Variants in NET1 observed in about 807,000 individuals in gnomAD.
NET1 encodes the protein neuroepithelial cell-transforming gene 1 protein.
NET1 carries 42 observed loss-of-function variants against 61.1 expected under a neutral mutation model. The observed-to-expected ratio is 0.69, with a 90% CI of 0.54 to 0.89. The LOEUF (loss-of-function observed/expected upper bound fraction) is 0.89, where lower values mean the gene tolerates loss of function less well. Ranked by LOEUF, NET1 falls within the 40% of genes least tolerant of loss-of-function variation. NET1 has a pLI of 0.00. For missense variants in NET1, 654 were observed against 747.3 expected, an observed-to-expected ratio of 0.88 and a Z score of 1.46; for synonymous variants, 254 against 281.8, an observed-to-expected ratio of 0.90 and a Z score of 0.99.
chr10:5,436,714 G>A (rs1241384013), intron 3 of NET1, among the ~76,000 whole-genome samples: 1 of 152,042 alleles, frequency 6.6e-6, no homozygotes, highest in Non-Finnish European at 1.5e-5. Context: ...TACCACTTTT[G>A]AGAAACAACC....
At chr10:5,428,704 C>G (rs1368293030) in intron 2 of NET1, among the ~76,000 whole-genome samples, 3 of 85,946 alleles carry the variant, frequency 3.5e-5, no homozygotes, top group Non-Finnish European at 8.6e-5. Context: ...ATGAGCGTCT[C>G]TCCTCAAGAT....
Position 5,446,218 on chromosome 10 carries a change from G to GA in NET1, c.256-5608dup, listed in dbSNP as rs1399406566. Among the ~76,000 whole-genome samples the GA allele has an allele frequency of 2.6e-5, 4 of 152,104 alleles. No individual in the cohort carries two copies. Among genetic ancestry groups the GA allele is most frequent in the Non-Finnish European group, 5.9e-5 (4 of 68,016 alleles). ...CTGTAAAATAAAAGCAGGTTTCCTG[G>GA]AAAATTAGGCTTTTCTTCATTATAT... On this transcript the variant is annotated intron_variant, in intron 3 of 11. Coordinates refer to ENST00000355029, the MANE Select transcript of NET1 (RefSeq NM_001047160.3). The surrounding 1 kb of genome is among the most constrained non-coding windows in gnomAD (Gnocchi z 5.0).
At position 5,453,704 on chromosome 10, in the gene NET1, AT is replaced by A; in HGVS notation, c.768+145del. 1 of 667,318 alleles carries A rather than the reference AT, an allele frequency of 1.5e-6. No individual in the cohort carries two copies. The highest frequency in any genetic ancestry group is 2.8e-5 in the Admixed American group (1 of 35,954). The allele number at this position is 667,318 out of a possible 1,614,324, so 41.3% of individuals were successfully genotyped here. On this transcript the variant is annotated intron_variant, in intron 8 of 11. Transcript: ENST00000355029. This position sits in a 1 kb window ranked among gnomAD's most constrained non-coding sequence, Gnocchi z 4.9. The stretch of plus-strand genomic sequence containing the variant: ...TAAAACTGAACAAATTTACAGTGAC[AT>A]AAGAAGTTACAGTCTGTTTAAAAAA...
intron 3 of NET1, among the ~76,000 whole-genome samples, 178 bp downstream of exon 3, chr10:5,429,407 A>G (rs968655863): frequency 1.3e-5 from 2 of 152,104 alleles, no homozygotes; most frequent in Non-Finnish European, 2.9e-5. Context: ...TTGCTATTCT[A>G]CTTCTTTGTT....
In NET1 at chr10:5,452,436, G is replaced by T. The variant is rs775446522; in HGVS notation, c.442G>T (p.Ala148Ser). The T allele has an allele frequency of 3.7e-6, 6 of 1,614,050 alleles. No homozygotes were observed. Among genetic ancestry groups the T allele is most frequent in the South Asian group, 2.2e-5 (2 of 91,072 alleles). The part of the protein sequence containing the change: ...FSSRSTVPTP[A>S]KRRSSALWSE... ...TAGCAGGTCAACAGTCCCAACACCC[G>T]CCAAGAGAAGGAGCAGTGCACTGTG... Residue 148 changes from alanine to serine, a missense_variant, in exon 5 of 12, where the codon GCC becomes TCC. Transcript: ENST00000355029. This position sits in a 1 kb window ranked among gnomAD's most constrained non-coding sequence, Gnocchi z 4.0.
rs1363112285 is a variant in NET1 at position 5,440,283 on chromosome 10, A to T, written c.255+11054A>T. Among the ~76,000 whole-genome samples the T allele has an allele frequency of 6.6e-6, 1 of 152,204 alleles. No homozygotes were observed. The highest frequency in any genetic ancestry group is 2.4e-5 in the African/African-American group (1 of 41,456). The stretch of plus-strand genomic sequence containing the variant: ...TGCTGTCCTTCCCACCTAAAAGCAA[A>T]CTACTTTTGACCCTTCTTACTAATG... On this transcript the variant is annotated intron_variant, in intron 3 of 11. Coordinates refer to ENST00000355029, the MANE Select transcript of NET1 (RefSeq NM_001047160.3). This position sits in a 1 kb window ranked among gnomAD's most constrained non-coding sequence, Gnocchi z 4.1.
rs1832415447 is a variant in NET1, at chr10:5,435,522, T to TAGATAGAC, written c.255+6300_255+6301insCAGATAGA. On this transcript the variant is annotated intron_variant, in intron 3 of 11. Transcript: ENST00000355029. The surrounding 1 kb of genome is among the most constrained non-coding windows in gnomAD (Gnocchi z 5.0). ...ATAGATAGATAGATAGATAGATAGATAGATAGATAGACAGACAGACAGATA... is the reference window on the plus strand; with the variant it reads ...ATAGATAGATAGATAGATAGATAGATAGATAGACAGATAGATAGACAGACAGACAGATA... Among the ~76,000 whole-genome samples, 2 of 32,648 alleles carry TAGATAGAC rather than the reference T, an allele frequency of 6.1e-5. No homozygotes were observed. The highest frequency in any genetic ancestry group is 1.6e-4 in the African/African-American group (2 of 12,636). The allele number at this position is 32,648 out of a possible 152,430, so 21.4% of individuals were successfully genotyped here. A position where few individuals can be genotyped will look rare whatever the true frequency, so the allele number is the denominator to read the frequency against.
chr10:5,425,397 A>G (rs1832243913), intron 1 of NET1, among the ~76,000 whole-genome samples: 2 of 152,244 alleles, frequency 1.3e-5, no homozygotes, highest in African/African-American at 4.8e-5. Context: ...AACTTGATGA[A>G]CAACGACTAT....
rs1435132358 is a variant in NET1 at position 5,421,001 on chromosome 10, C to CA, written c.129-5653dup. Among the ~76,000 whole-genome samples, 1 of 152,212 alleles carries CA rather than the reference C, an allele frequency of 6.6e-6. No individual in the cohort carries two copies. Among genetic ancestry groups the CA allele is most frequent in the Non-Finnish European group, 1.5e-5 (1 of 68,046 alleles). On this transcript the variant is annotated intron_variant, in intron 1 of 11. Transcript: ENST00000355029. This position sits in a 1 kb window ranked among gnomAD's most constrained non-coding sequence, Gnocchi z 4.2. ...TTTGATACCAAGTCTGTTCTGGCCT[C>CA]AGCTTTGATTTACCTAATTATTTTC...
rs544640770 is a variant in NET1 at position 5,446,775 on chromosome 10, C to G, written c.256-5055C>G. Reference sequence around the variant, plus strand: ...GGAGTACTTGGGAAGCATGGTGGCACATGATGAGACTGGAGGTCTCCTACC... The same window carrying G: ...GGAGTACTTGGGAAGCATGGTGGCAGATGATGAGACTGGAGGTCTCCTACC... On this transcript the variant is annotated intron_variant, in intron 3 of 11. Transcript: ENST00000355029. The surrounding 1 kb of genome is among the most constrained non-coding windows in gnomAD (Gnocchi z 5.0). The G allele has an allele frequency of 8.7e-6, 14 of 1,604,022 alleles. 1 individual carries two copies. The South Asian group carries it at 1.5e-4, about 17-fold the overall frequency.
intron 1 of NET1, among the ~76,000 whole-genome samples, chr10:5,413,771 G>A (rs1832039289): frequency 6.6e-6 from 1 of 152,192 alleles, no homozygotes; most frequent in Admixed American, 6.5e-5. Context: ...TTTGCAACAG[G>A]TTGAGAAGAG....
rs1832641486 is a variant in NET1, at chr10:5,447,851, CCA to C, written c.256-3976_256-3975del. The stretch of plus-strand genomic sequence containing the variant: ...TATTTCCTTTGAGTAGAGCAGTCAT[CCA>C]CAGTCACTAGTGTGAATCCTGCAGC... On this transcript the variant is annotated intron_variant, in intron 3 of 11. Coordinates refer to ENST00000355029, the MANE Select transcript of NET1 (RefSeq NM_001047160.3). This position sits in a 1 kb window ranked among gnomAD's most constrained non-coding sequence, Gnocchi z 4.1. 6.6e-6 allele frequency among the ~76,000 whole-genome samples: 1 copy of C among 152,140 alleles called. No individual in the cohort carries two copies. Among genetic ancestry groups the C allele is most frequent in the Admixed American group, 6.5e-5 (1 of 15,272 alleles).
intron 1 of NET1, among the ~76,000 whole-genome samples, chr10:5,418,633 TTG>T: frequency 6.6e-6 from 1 of 151,238 alleles, no homozygotes; most frequent in South Asian, 2.1e-4. Flanking sequence ...CTTCTATTCT[TTG>T]TTTTATTTTC....
At position 5,446,892 on chromosome 10, in the gene NET1, A is replaced by G; in HGVS notation, c.256-4938A>G. 1.3e-6 allele frequency: 2 copies of G among 1,560,944 alleles called. No individual in the cohort carries two copies. The highest frequency in any genetic ancestry group is 8.7e-7 in the Non-Finnish European group (1 of 1,143,466). The stretch of plus-strand genomic sequence containing the variant: ...TTAAGAGAAACGTTAGGCAAAAGGA[A>G]TGTTTTCTAACTCCACGGAGCTTTT... On this transcript the variant is annotated intron_variant, in intron 3 of 11. Coordinates refer to ENST00000355029, the MANE Select transcript of NET1 (RefSeq NM_001047160.3). This position sits in a 1 kb window ranked among gnomAD's most constrained non-coding sequence, Gnocchi z 5.0.
rs912993565 is a variant in NET1 at position 5,424,617 on chromosome 10, C to A, written c.129-2038C>A. 6.6e-6 allele frequency among the ~76,000 whole-genome samples: 1 copy of A among 152,028 alleles called. No individual in the cohort carries two copies. Among genetic ancestry groups the A allele is most frequent in the African/African-American group, 2.4e-5 (1 of 41,384 alleles). The stretch of plus-strand genomic sequence containing the variant: ...GATTGTTTTGCGCCACTAAAGAGGC[C>A]GTCAAAAATAGTTTGAGCTCCATGA... On this transcript the variant is annotated intron_variant, in intron 1 of 11. Transcript: ENST00000355029. This position sits in a 1 kb window ranked among gnomAD's most constrained non-coding sequence, Gnocchi z 6.1.
chr10:5,450,665 T>C (rs1832689582), intron 3 of NET1, among the ~76,000 whole-genome samples: 1 of 152,198 alleles, frequency 6.6e-6, no homozygotes. Flanking sequence ...ATCAAAATTA[T>C]TTTGTCAAGT....
chr10:5,433,139 CCA>C (rs555849539), intron 3 of NET1, among the ~76,000 whole-genome samples: 202 of 152,252 alleles, frequency 1.3e-3, no homozygotes, highest in African/African-American at 4.6e-3. Context: ...GAGCTTTTAG[CCA>C]TTACGAGCTA....
intron 3 of NET1, among the ~76,000 whole-genome samples, chr10:5,433,928 T>A (rs78510220): frequency 1.3e-5 from 2 of 149,786 alleles, no homozygotes; most frequent in Non-Finnish European, 1.5e-5. Context: ...TAATTTTTTT[T>A]ATTTTTAATT....
rs767356420 is a variant in NET1, at chr10:5,456,876, C to T, written c.1673C>T (p.Ser558Phe). ...EVDENAYRCG[S>F]GMQMAEDSKS... ...GATGAAAACGCTTACAGATGTGGCTCTGGCATGCAGATGGCAGAGGACAGC... is the reference window on the plus strand; with the variant it reads ...GATGAAAACGCTTACAGATGTGGCTTTGGCATGCAGATGGCAGAGGACAGC... Residue 558 changes from serine to phenylalanine, a missense_variant, in exon 12 of 12, where the codon TCT becomes TTT. Transcript: ENST00000355029. This position sits in a 1 kb window ranked among gnomAD's most constrained non-coding sequence, Gnocchi z 7.0. 3.7e-6 allele frequency: 6 copies of T among 1,614,054 alleles called. No homozygotes were observed. The East Asian group carries it at 1.3e-4, about 36-fold the overall frequency.
Sources: allele counts gnomAD v4.1 joint callset (sites outside exome capture counted in the v4.1 genomes callset), GRCh38; gene constraint gnomAD v4.1.1; non-coding constraint Gnocchi (gnomAD v3.1); transcripts MANE v1.5; gene names NCBI Gene and HGNC (gene_info 2026-07-23, HGNC 2026-07-21).